AAK1: variants seen among roughly 807,000 people sequenced by gnomAD.
AAK1 encodes AP2-associated protein kinase 1.
In AAK1, 37 loss-of-function variants were observed where a neutral mutation model predicts 116.0. The observed-to-expected ratio is 0.32, with a 90% confidence interval of 0.25 to 0.42. The LOEUF (loss-of-function observed/expected upper bound fraction) is 0.42, where lower values mean the gene tolerates loss of function less well. AAK1 is among the 10% of genes least tolerant of loss of function. AAK1 has a pLI of 1.00. For missense variants in AAK1, 919 were observed against 1,170.6 expected (o/e 0.79, Z 3.14); for synonymous variants, 458 against 439.9 (o/e 1.04, Z -0.51).
rs181438007 is a variant in AAK1 at position 69,482,337 on chromosome 2, A to G, written c.2467+374T>C. ...ATTGCACTCCAGCCTAGGCAACAAG[A>G]GTGAAACTCTGTCTCAAACAAAAAA... is the stretch of plus-strand genomic sequence containing the variant. On this transcript the variant is annotated intron_variant, in intron 18 of 21. Coordinates refer to ENST00000409085, the MANE Select transcript of AAK1 (RefSeq NM_014911.5). 6.5e-3 allele frequency: 3,144 copies of G among 483,284 alleles called. 30 individuals are homozygous for G. Among genetic ancestry groups the G allele is most frequent in the Non-Finnish European group, 6.0e-3 (1,644 of 274,532 alleles). 29.9% of individuals were successfully genotyped at this position (483,284 alleles called of 1,614,324 possible).
intron 17 of AAK1, among the ~76,000 whole-genome samples, chr2:69,488,210 A>T (rs1046005774): frequency 6.6e-6 from 1 of 151,416 alleles, no homozygotes; most frequent in East Asian, 1.9e-4. Context: ...TTGAATAACT[A>T]TTGGGTACTA....
intron 5 of AAK1, among the ~76,000 whole-genome samples, 183 bp from the exon 6 acceptor site, chr2:69,532,345 A>G (rs748625777): frequency 2.0e-5 from 3 of 152,216 alleles, no homozygotes; most frequent in Non-Finnish European, 4.4e-5. Context: ...GGAGATGCAG[A>G]GTAAGAGGGA....
At chr2:69,572,802 T>C (rs1453588683) in intron 2 of AAK1, among the ~76,000 whole-genome samples, 1 of 152,158 alleles carries the variant, frequency 6.6e-6, no homozygotes, top group Admixed American at 6.5e-5. Context: ...CCTCTCACTG[T>C]GCTTCCAAAA....
chr2:69,528,512 A>G (rs927540051), intron 8 of AAK1, among the ~76,000 whole-genome samples: 1 of 152,234 alleles, frequency 6.6e-6, no homozygotes, highest in African/African-American at 2.4e-5. Context: ...ACTCCAAAAA[A>G]GGAATATGGC....
At chr2:69,484,528 C>T (rs1675213751) in intron 17 of AAK1, among the ~76,000 whole-genome samples, 1 of 152,194 alleles carries the variant, frequency 6.6e-6, no homozygotes, top group Non-Finnish European at 1.5e-5. Flanking sequence ...TGCAGTGGCT[C>T]ACGCCTGTAA....
chr2:69,541,507 T>C (rs973834330), intron 5 of AAK1, among the ~76,000 whole-genome samples: 7 of 152,190 alleles, frequency 4.6e-5, no homozygotes, highest in Non-Finnish European at 8.8e-5. Context: ...GCTGGGATTA[T>C]AGGCATGAGC....
intron 2 of AAK1, among the ~76,000 whole-genome samples, chr2:69,590,706 C>T (rs549278298): frequency 6.6e-6 from 1 of 152,346 alleles, no homozygotes; most frequent in Non-Finnish European, 1.5e-5. Flanking sequence ...TTTGGCTTAA[C>T]CATCTACTAA....
chr2:69,552,673 T>C (rs983334612), intron 3 of AAK1, among the ~76,000 whole-genome samples: 1 of 151,354 alleles, frequency 6.6e-6, no homozygotes, highest in African/African-American at 2.4e-5. Flanking sequence ...ATTGCACCAC[T>C]GCACTCCAGC....
At position 69,468,236 on chromosome 2, in the gene AAK1, G is replaced by A; in HGVS notation, c.*7633C>T. On this transcript the variant is annotated 3_prime_UTR_variant, in exon 22 of 22. Transcript: ENST00000409085. ...TACCTTCTTCCTTGCGATTTATGTG[G>A]ACAGACATAATCCTAATTTCTCAGG... 1.5e-5 allele frequency: 15 copies of A among 985,348 alleles called. No individual in the cohort carries two copies. Among genetic ancestry groups the A allele is most frequent in the Non-Finnish European group, 1.8e-5 (15 of 829,876 alleles). The allele number at this position is 985,348 out of a possible 1,614,324, so 61.0% of individuals were successfully genotyped here. A position where few individuals can be genotyped will look rare whatever the true frequency, so the allele number is the denominator to read the frequency against.
intron 2 of AAK1, among the ~76,000 whole-genome samples, chr2:69,642,216 A>C (rs1274146483): frequency 6.6e-6 from 1 of 152,232 alleles, no homozygotes; most frequent in Non-Finnish European, 1.5e-5. Context: ...GATTAAAAAA[A>C]CAAAAAACAA....
At chr2:69,608,066 T>C (rs1031467082) in intron 2 of AAK1, among the ~76,000 whole-genome samples, 10 of 152,246 alleles carry the variant, frequency 6.6e-5, no homozygotes, top group Admixed American at 6.5e-4. Flanking sequence ...CTGCTAGATT[T>C]AGTCAAGATG....
Position 69,470,010 on chromosome 2 carries a change from G to C in AAK1, c.*5859C>G, listed in dbSNP as rs1165411130. ...CACTTCCAAAGCAACCCAAAGTGCT[G>C]AATCATTTAGGATGGGTTTCCCCTG... is the stretch of plus-strand genomic sequence containing the variant. On this transcript the variant is annotated 3_prime_UTR_variant, in exon 22 of 22. Transcript: ENST00000409085. 1.0e-6 allele frequency: 1 copy of C among 985,274 alleles called. No individual in the cohort carries two copies. The highest frequency in any genetic ancestry group is 1.7e-5 in the African/African-American group (1 of 57,226). 61.0% of individuals were successfully genotyped at this position (985,274 alleles called of 1,614,324 possible).
chr2:69,586,450 A>C (rs1672767566), intron 2 of AAK1, among the ~76,000 whole-genome samples: 1 of 152,196 alleles, frequency 6.6e-6, no homozygotes, highest in Non-Finnish European at 1.5e-5. Flanking sequence ...TGGCAATGAC[A>C]ATATTCAAAA....
At chr2:69,525,635 T>C (rs1257319421) in intron 9 of AAK1, among the ~76,000 whole-genome samples, 1 of 152,180 alleles carries the variant, frequency 6.6e-6, no homozygotes, top group East Asian at 1.9e-4. Context: ...TCCCAACATG[T>C]GAGGCACTAC....
At chr2:69,543,725 G>GT (rs1670817366) in intron 4 of AAK1, among the ~76,000 whole-genome samples, 2 of 152,140 alleles carry the variant, frequency 1.3e-5, no homozygotes, top group Admixed American at 6.5e-5. Context: ...TATCTTAAGC[G>GT]TAAGGAAAAT....
intron 2 of AAK1, among the ~76,000 whole-genome samples, chr2:69,560,804 T>C (rs1483713091): frequency 6.6e-6 from 1 of 152,240 alleles, no homozygotes; most frequent in Non-Finnish European, 1.5e-5. Context: ...TGCCTCTGGA[T>C]TGTCATGCCA....
At chr2:69,514,845 C>T in intron 12 of AAK1, 96 bp from the exon 13 acceptor site, 2 of 1,370,798 alleles carry the variant, frequency 1.5e-6, no homozygotes. Flanking sequence ...GTGCTAAAGC[C>T]AAAGGCAAGG....
intron 3 of AAK1, among the ~76,000 whole-genome samples, chr2:69,551,177 A>C (rs1240070993): frequency 6.6e-6 from 1 of 152,114 alleles, no homozygotes; most frequent in Non-Finnish European, 1.5e-5. Flanking sequence ...TCACTTATAA[A>C]TGGGAGCTAA....
Position 69,463,173 on chromosome 2 carries a change from A to G in AAK1, c.*12696T>C, listed in dbSNP as rs943386571. 2 of 152,252 alleles carry G rather than the reference A, an allele frequency of 1.3e-5. No individual in the cohort carries two copies. The highest frequency in any genetic ancestry group is 2.9e-5 in the Non-Finnish European group (2 of 68,044). 9.4% of individuals were successfully genotyped at this position (152,252 alleles called of 1,614,324 possible). A position where few individuals can be genotyped will look rare whatever the true frequency, so the allele number is the denominator to read the frequency against. On this transcript the variant is annotated 3_prime_UTR_variant, in exon 22 of 22. Coordinates refer to ENST00000409085, the MANE Select transcript of AAK1 (RefSeq NM_014911.5). ...CTTGATTCTTAGATGAATTTCCAAT[A>G]ATTTTTAAATCATTGATCTGGCTTG...
Sources: allele counts gnomAD v4.1 joint callset (sites outside exome capture counted in the v4.1 genomes callset), GRCh38; gene constraint gnomAD v4.1.1; transcripts MANE v1.5; gene names NCBI Gene and HGNC (gene_info 2026-07-23, HGNC 2026-07-21).